Variants in PP2D1 observed in about 807,000 individuals in gnomAD.
PP2D1 encodes protein phosphatase 2C like domain containing 1, also known as protein phosphatase 2C-like domain-containing protein 1.
Under a neutral mutation model 30.2 loss-of-function variants are expected in PP2D1, and 25 were observed. The ratio of observed to expected loss-of-function variants is 0.83; its 90% CI spans 0.60 to 1.16. PP2D1 has a LOEUF of 1.16. PP2D1 is among the 50% of genes most tolerant of loss of function. The probability of loss-of-function intolerance (pLI) is 0.00; values close to 1 mark genes in which losing one functional copy is unlikely to be tolerated. For synonymous variants in PP2D1, 260 were observed against 258.9 expected, an observed-to-expected ratio of 1.00 and a Z score of -0.04; for missense variants, 760 against 742.4, an observed-to-expected ratio of 1.02 and a Z score of -0.28.
At chr3:20,006,113 T>C (rs1697315651) in intron 1 of PP2D1, among the ~76,000 whole-genome samples, 1 of 151,624 alleles carries the variant, frequency 6.6e-6, no homozygotes. Context: ...ATGGGCGTGA[T>C]GGCACACCTG....
intron 1 of PP2D1, among the ~76,000 whole-genome samples, chr3:20,011,562 G>A (rs1236384470): frequency 6.6e-6 from 1 of 152,122 alleles, no homozygotes; most frequent in Non-Finnish European, 1.5e-5. Flanking sequence ...ACTTTGGGAG[G>A]CTGAGGCGGG....
At position 20,001,650 on chromosome 3, in the gene PP2D1, A is replaced by T. The variant is rs1479687971; in HGVS notation, c.470T>A (p.Val157Asp). The change falls in exon 2 of 3, where the codon GTC (valine) becomes GAC (aspartate). Residue 157 changes from valine to aspartate, a missense_variant. Physicochemically the swap from Val to Asp is radical, Grantham distance 152. Around this residue, in one of 3 missense-constraint regions of PP2D1, gnomAD observed 374 missense variants for 388.8 expected, o/e 0.96. Coordinates refer to ENST00000389050, the MANE Select transcript of PP2D1 (RefSeq NM_001252657.2). ...YKIFDNIDRSVIYSQKICHLL... is the reference protein window; with the variant it reads ...YKIFDNIDRSDIYSQKICHLL... ...ATGACATATTTTTTGAGAATATATG[A>T]CACTCCTGTCAATGTTATCAAAAAT... 4.6e-6 allele frequency: 7 copies of T among 1,536,058 alleles called. No individual in the cohort carries two copies. In the East Asian group the frequency reaches 1.7e-4, roughly 38 times the overall value.
Position 19,994,506 on chromosome 3 carries a change from G to A in PP2D1, c.1090+6524C>T, listed in dbSNP as rs111570404. ...TGAAACCACCAACCTTCATGTATTTGTAGTCTGAAAGCCTCAAATGGATCA... is the reference window on the plus strand; with the variant it reads ...TGAAACCACCAACCTTCATGTATTTATAGTCTGAAAGCCTCAAATGGATCA... On this transcript the variant is annotated intron_variant, in intron 2 of 2. Transcript: ENST00000389050. Among the ~76,000 whole-genome samples, 891 of 152,282 alleles carry A rather than the reference G, an allele frequency of 5.9e-3. 2 individuals carry two copies. The highest frequency in any genetic ancestry group is 0.02 in the African/African-American group (826 of 41,562).
intron 2 of PP2D1, among the ~76,000 whole-genome samples, chr3:19,987,856 A>G (rs544134036): frequency 6.6e-6 from 1 of 152,340 alleles, no homozygotes; most frequent in East Asian, 1.9e-4. Flanking sequence ...GATTTAATGG[A>G]CATTTATTAG....
chr3:19,981,288 A>C (rs1696921957), downstream of PP2D1, among the ~76,000 whole-genome samples: 1 of 152,322 alleles, frequency 6.6e-6, no homozygotes, highest in Admixed American at 6.5e-5. Flanking sequence ...ACGGGATTAC[A>C]TACAGAAACC....
At chr3:19,984,077 G>A (rs370349387), downstream of PP2D1, 1 of 428,720 alleles carries the variant, frequency 2.3e-6, no homozygotes, top group Admixed American at 4.0e-5. Context: ...AGGTTAGGGG[G>A]AATAATTTCT....
chr3:19,995,660 C>T (rs1697171684), intron 2 of PP2D1, among the ~76,000 whole-genome samples: 1 of 152,166 alleles, frequency 6.6e-6, no homozygotes, highest in South Asian at 2.1e-4. Flanking sequence ...TTGAAACCAA[C>T]TCCAAAATGG....
chr3:20,011,841 T>A (rs1323947330), intron 1 of PP2D1, among the ~76,000 whole-genome samples: 1 of 151,782 alleles, frequency 6.6e-6, no homozygotes, highest in Non-Finnish European at 1.5e-5. Flanking sequence ...ATTAATTAAT[T>A]AACTATAAAG....
chr3:20,002,383 A>G (rs2125144833), intron 1 of PP2D1, among the ~76,000 whole-genome samples: 2 of 152,332 alleles, frequency 1.3e-5, no homozygotes, highest in Middle Eastern at 6.8e-3. Context: ...ATGCGAAAGT[A>G]TGTATTTGAG....
Position 19,994,160 on chromosome 3 carries a change from C to T in PP2D1, c.1090+6870G>A, listed in dbSNP as rs1265841433. ...CTAGGACCCCAGAGGATGATGGCCT[C>T]ACTGAAACAGTGAACCAAAAATAAA... On this transcript the variant is annotated intron_variant, in intron 2 of 2. Coordinates refer to ENST00000389050, the MANE Select transcript of PP2D1 (RefSeq NM_001252657.2). Among the ~76,000 whole-genome samples, 4 of 152,098 alleles carry T rather than the reference C, an allele frequency of 2.6e-5. No homozygotes were observed. In the East Asian group the frequency reaches 5.8e-4, roughly 22 times the overall value.
In PP2D1 at chr3:20,011,469, G is replaced by A. The variant is rs908222629; in HGVS notation, c.23+581C>T. ...ATCACACGTGGGCCATTCTTAGAAT[G>A]TATTGCATCATTCATATGTTCATTC... On this transcript the variant is annotated intron_variant, in intron 1 of 2. Transcript: ENST00000389050. Among the ~76,000 whole-genome samples, 3 of 152,150 alleles carry A rather than the reference G, an allele frequency of 2.0e-5. No individual in the cohort carries two copies. In the East Asian group the frequency reaches 5.8e-4, roughly 29 times the overall value.
downstream of PP2D1, among the ~76,000 whole-genome samples, chr3:19,982,763 TAAAA>T (rs62910362): frequency 7.2e-6 from 1 of 139,828 alleles, no homozygotes. Flanking sequence ...CCTTGTCTCT[TAAAA>T]AAAAAAAAAA....
At chr3:19,986,491 C>T (rs979158938) in intron 2 of PP2D1, among the ~76,000 whole-genome samples, 1 of 152,162 alleles carries the variant, frequency 6.6e-6, no homozygotes, top group Non-Finnish European at 1.5e-5. Context: ...TAATATTACT[C>T]ACATTGCAGA....
intron 2 of PP2D1, among the ~76,000 whole-genome samples, chr3:19,999,696 G>C (rs1166794828): frequency 1.3e-5 from 2 of 152,038 alleles, no homozygotes; most frequent in Non-Finnish European, 2.9e-5. Flanking sequence ...GCTGTGTCTA[G>C]ACATTTAATG....
chr3:19,982,968 G>T (rs1013381278), downstream of PP2D1, among the ~76,000 whole-genome samples: 2 of 152,116 alleles, frequency 1.3e-5, no homozygotes, highest in Non-Finnish European at 1.5e-5. Context: ...TCTAGAGAAC[G>T]CTGATATGAG....
chr3:20,001,025 C>T lies in PP2D1; in HGVS notation c.1090+5G>A. 1 of 1,378,646 alleles carries T rather than the reference C, an allele frequency of 7.3e-7. No individual in the cohort carries two copies. Among genetic ancestry groups the T allele is most frequent in the Non-Finnish European group, 9.4e-7 (1 of 1,065,026 alleles). The allele number at this position is 1,378,646 out of a possible 1,614,324, so 85.4% of individuals were successfully genotyped here. On this transcript the variant is annotated splice_donor_5th_base_variant and intron_variant, in intron 2 of 2. Transcript: ENST00000389050. ...GTGTTATTTGGTGCTATTCAATGTA[C>T]ATACCAGTGTTTGCAACATGTAATA... is the stretch of plus-strand genomic sequence containing the variant.
intron 1 of PP2D1, among the ~76,000 whole-genome samples, chr3:20,009,366 G>C (rs957586849): frequency 2.0e-5 from 3 of 151,868 alleles, no homozygotes; most frequent in Non-Finnish European, 2.9e-5. Context: ...GAGAATGAGC[G>C]GGGAGAATTG....
chr3:19,986,218 C>G, intron 2 of PP2D1, 36 bp from the exon 3 acceptor site: 1 of 1,368,210 alleles, frequency 7.3e-7, no homozygotes, highest in African/African-American at 1.5e-5. Context: ...AAATTTTTAT[C>G]CTAGAGATAA....
At chr3:19,989,281 G>A (rs774752890) in intron 2 of PP2D1, among the ~76,000 whole-genome samples, 1 of 152,264 alleles carries the variant, frequency 6.6e-6, no homozygotes, top group Non-Finnish European at 1.5e-5. Flanking sequence ...GCAGTGAGTC[G>A]AGATCGCATC....
Sources: allele counts gnomAD v4.1 joint callset (sites outside exome capture counted in the v4.1 genomes callset), GRCh38; gene constraint gnomAD v4.1.1; regional missense constraint gnomAD v4.1.1; transcripts MANE v1.5; gene names NCBI Gene and HGNC (gene_info 2026-07-23, HGNC 2026-07-21).